PHF3: variants seen among roughly 807,000 people sequenced by gnomAD.
PHF3 encodes PHD finger protein 3.
A neutral mutation model predicts 178.4 loss-of-function variants in PHF3; 41 were observed. The observed-to-expected ratio is 0.23, with a 90% CI of 0.18 to 0.30. The LOEUF (loss-of-function observed/expected upper bound fraction) is 0.30. PHF3 is among the 10% of genes least tolerant of loss of function. PHF3 has a pLI of 1.00. For synonymous variants in PHF3, 842 were observed against 800.5 expected (o/e 1.05, Z -0.88); for missense variants, 2,346 against 2,398.1 (o/e 0.98, Z 0.45).
Position 63,713,451 on chromosome 6 carries a change from A to G in PHF3, c.5863A>G (p.Lys1955Glu), listed in dbSNP as rs1768059269. Residue 1955 changes from lysine to glutamate, a missense_variant, in exon 16 of 16, where the codon AAG (lysine) becomes GAG (glutamate). Lys to Glu is a moderately conservative substitution (Grantham distance 56). Transcript: ENST00000262043. ...RHRRRDRSQD[K>E]DRDRKSREEG... ...TAGACGCAGAGACAGAAGCCAAGAC[A>G]AGGACAGAGACAGAAAAAGCAGGGA... 6.2e-7 allele frequency: 1 copy of G among 1,613,962 alleles called. No individual in the cohort carries two copies. The highest frequency in any genetic ancestry group is 8.5e-7 in the Non-Finnish European group (1 of 1,179,970).
At chr6:63,670,493 A>G (rs1219882012) in intron 2 of PHF3, among the ~76,000 whole-genome samples, 1 of 151,806 alleles carries the variant, frequency 6.6e-6, no homozygotes, top group Non-Finnish European at 1.5e-5. Context: ...TGGTCTCGTT[A>G]GCCAGGATGG....
intron 2 of PHF3, among the ~76,000 whole-genome samples, chr6:63,661,999 C>G: frequency 6.6e-6 from 1 of 152,264 alleles, no homozygotes; most frequent in Non-Finnish European, 1.5e-5. Flanking sequence ...TGAGCATTAC[C>G]GCTTGAGTTC....
Position 63,702,548 on chromosome 6 carries a change from G to T in PHF3, c.3140G>T (p.Arg1047Leu). Residue 1047 changes from arginine (R) to leucine (L), a missense_variant, in exon 10 of 16, where the codon CGA becomes CTA. Around this residue, in one of 8 missense-constraint regions of PHF3, gnomAD observed 45 missense variants for 87.9 expected, o/e 0.51. Transcript: ENST00000262043. ...MIEKEQREVERRPITKITHKG... is the reference protein window; with the variant it reads ...MIEKEQREVELRPITKITHKG... ...GAGAAAGAGCAGAGAGAAGTGGAAC[G>T]ACGGCCAATCACCAAAATAACTCAT... The T allele has an allele frequency of 1.2e-6, 2 of 1,612,330 alleles. No individual in the cohort carries two copies. Among genetic ancestry groups the T allele is most frequent in the Non-Finnish European group, 1.7e-6 (2 of 1,178,778 alleles).
rs1427936378 is a variant in PHF3 at position 63,722,537 on chromosome 6, A to G, written c.*8829A>G. The stretch of plus-strand genomic sequence containing the variant: ...AGTTGCAATGAGGCATTCAGAAGAA[A>G]AGTAAAGGCAATTCTGCAAGCTTGG... On this transcript the variant is annotated 3_prime_UTR_variant, in exon 16 of 16. Coordinates refer to ENST00000262043, the MANE Select transcript of PHF3 (RefSeq NM_001370348.2). Among the ~76,000 whole-genome samples the G allele has an allele frequency of 6.6e-6, 1 of 152,212 alleles. No individual in the cohort carries two copies. The highest frequency in any genetic ancestry group is 1.5e-5 in the Non-Finnish European group (1 of 68,034).
chr6:63,688,635 G>T (rs1395841247), intron 4 of PHF3, among the ~76,000 whole-genome samples: 1 of 151,880 alleles, frequency 6.6e-6, no homozygotes, highest in African/African-American at 2.4e-5. Context: ...GCGCCCAGCT[G>T]ATTGTTGTTT....
intron 9 of PHF3, among the ~76,000 whole-genome samples, chr6:63,701,748 A>G (rs557413654): frequency 1.3e-5 from 2 of 152,256 alleles, no homozygotes; most frequent in African/African-American, 4.8e-5. Context: ...TTTTGAAAAT[A>G]ATATCACCTC....
At chr6:63,701,975 A>G (rs890553517) in intron 9 of PHF3, among the ~76,000 whole-genome samples, 1 of 152,116 alleles carries the variant, frequency 6.6e-6, no homozygotes, top group African/African-American at 2.4e-5. Context: ...ACTACTTGTT[A>G]TACTTGCTTA....
chr6:63,692,446 T>A (rs1767048202), intron 5 of PHF3, among the ~76,000 whole-genome samples: 1 of 152,224 alleles, frequency 6.6e-6, no homozygotes, highest in African/African-American at 2.4e-5. Context: ...CTTCTGAAAG[T>A]ATTTTCTAAA....
Position 63,720,870 on chromosome 6 carries a change from GTC to G in PHF3, c.*7164_*7165del, listed in dbSNP as rs1486663077. On this transcript the variant is annotated 3_prime_UTR_variant, in exon 16 of 16. Transcript: ENST00000262043. ...GTTATTTATGTAGGCCTTGATAAGA[GTC>G]TGATTTTGAATTACAACTACATGGT... is the stretch of plus-strand genomic sequence containing the variant. 9.7e-6 allele frequency: 15 copies of G among 1,550,928 alleles called. No individual in the cohort carries two copies. Among genetic ancestry groups the G allele is most frequent in the Non-Finnish European group, 1.2e-5 (14 of 1,146,550 alleles).
At chr6:63,657,720 A>G (rs116730305) in intron 2 of PHF3, among the ~76,000 whole-genome samples, 641 of 152,304 alleles carry the variant, frequency 4.2e-3, no homozygotes, top group Non-Finnish European at 6.0e-3. Context: ...GTTCAAACCC[A>G]TGTTGTTCAA....
chr6:63,694,534 ATTG>A (rs1767147865), intron 5 of PHF3, 44 bp from the exon 6 acceptor site: 1 of 1,281,086 alleles, frequency 7.8e-7, no homozygotes, highest in Admixed American at 2.8e-5. Flanking sequence ...AAAAACAAAG[ATTG>A]TTTAGTTATT....
At chr6:63,679,390 A>G (rs1766325795) in intron 2 of PHF3, among the ~76,000 whole-genome samples, 2 of 152,076 alleles carry the variant, frequency 1.3e-5, no homozygotes, top group Non-Finnish European at 2.9e-5. Flanking sequence ...TTATATAGCT[A>G]TATTAAACAT....
Position 63,712,780 on chromosome 6 carries a change from C to A in PHF3, c.5192C>A (p.Ser1731Tyr). The A allele has an allele frequency of 6.2e-7, 1 of 1,613,926 alleles. No homozygotes were observed. Residue 1731 changes from serine (S) to tyrosine (Y), a missense_variant, in exon 16 of 16, where the codon TCT becomes TAT. Physicochemically the swap from Ser to Tyr is moderately radical, Grantham distance 144 (BLOSUM62 -2). Coordinates refer to ENST00000262043, the MANE Select transcript of PHF3 (RefSeq NM_001370348.2). ...NSPSVENIQTSQAEQAKPLQE... is the reference protein window; with the variant it reads ...NSPSVENIQTYQAEQAKPLQE... ...CCATCAGTAGAAAACATACAGACTT[C>A]TCAAGCAGAACAAGCAAAACCCTTA...
intron 2 of PHF3, among the ~76,000 whole-genome samples, chr6:63,667,006 CCT>C (rs753147971): frequency 1.3e-5 from 2 of 152,072 alleles, no homozygotes; most frequent in African/African-American, 2.4e-5. Flanking sequence ...CCTGCCTTGG[CCT>C]CTCAAAGTGC....
intron 2 of PHF3, among the ~76,000 whole-genome samples, chr6:63,674,156 C>T (rs1320698502): frequency 6.6e-6 from 1 of 151,470 alleles, no homozygotes; most frequent in Admixed American, 6.6e-5. Context: ...TTTTAGTAAC[C>T]ATGTTTCTTT....
Position 63,715,229 on chromosome 6 carries a change from A to G in PHF3, c.*1521A>G, listed in dbSNP as rs557755715. On this transcript the variant is annotated 3_prime_UTR_variant, in exon 16 of 16. Transcript: ENST00000262043. ...AATGACTTGCAGTACTTTTTTCCCTATCCTTATCCTGTGAAACTTACTATC... is the reference window on the plus strand; with the variant it reads ...AATGACTTGCAGTACTTTTTTCCCTGTCCTTATCCTGTGAAACTTACTATC... The G allele has an allele frequency of 3.4e-4, 51 of 152,080 alleles. No individual in the cohort carries two copies. Among genetic ancestry groups the G allele is most frequent in the Admixed American group, 1.4e-3 (22 of 15,226 alleles). 9.4% of individuals were successfully genotyped at this position (152,080 alleles called of 1,614,324 possible).
At chr6:63,650,961 A>G (rs1764993502) in intron 2 of PHF3, among the ~76,000 whole-genome samples, 1 of 152,140 alleles carries the variant, frequency 6.6e-6, no homozygotes. Context: ...TAGATCTCTG[A>G]ATCCAACTAC....
chr6:63,643,421 G>T (rs554060042), intron 1 of PHF3, among the ~76,000 whole-genome samples: 1 of 152,110 alleles, frequency 6.6e-6, no homozygotes, highest in Non-Finnish European at 1.5e-5. Context: ...TTGGAACCAC[G>T]TAAGAAAAAT....
intron 2 of PHF3, among the ~76,000 whole-genome samples, chr6:63,675,870 ATTC>A (rs1766142835): frequency 6.6e-6 from 1 of 152,110 alleles, no homozygotes; most frequent in Non-Finnish European, 1.5e-5. Context: ...AATTATTGTC[ATTC>A]TTCATTTACT....
Sources: allele counts gnomAD v4.1 joint callset (sites outside exome capture counted in the v4.1 genomes callset), GRCh38; gene constraint gnomAD v4.1.1; regional missense constraint gnomAD v4.1.1; transcripts MANE v1.5; gene names NCBI Gene and HGNC (gene_info 2026-07-23, HGNC 2026-07-21).